CRYBG1: variants seen among roughly 807,000 people sequenced by gnomAD.
CRYBG1 encodes crystallin beta-gamma domain containing 1.
A neutral mutation model predicts 189.2 loss-of-function variants in CRYBG1; 139 were observed. That is an observed-to-expected ratio of 0.73 (90% CI 0.64 to 0.85). The LOEUF (loss-of-function observed/expected upper bound fraction) is 0.85, where lower values mean the gene tolerates loss of function less well. CRYBG1 is among the 40% of genes least tolerant of loss of function. The pLI, the probability that CRYBG1 is intolerant of heterozygous loss-of-function variation, is 0.00. For missense variants in CRYBG1, 2,611 were observed against 2,675.8 expected, an observed-to-expected ratio of 0.98 and a Z score of 0.53; for synonymous variants, 1,023 against 1,017.1, an observed-to-expected ratio of 1.01 and a Z score of -0.11.
rs776931241 is a variant in CRYBG1 at position 106,552,208 on chromosome 6, C to A, written c.5464C>A (p.Arg1822=). ...GGATTCTTTCACTGGCCCAAGGAGACGAAATCAGGTAACTTTAAAAATATT... is the reference window on the plus strand; with the variant it reads ...GGATTCTTTCACTGGCCCAAGGAGAAGAAATCAGGTAACTTTAAAAATATT... ...CLDSFTGPRR[R]NQIHLFSEPQ... Residue 1822 remains arginine (R), a synonymous_variant, in exon 15 of 22, where the codon CGA becomes AGA. Transcript: ENST00000633556. 3.8e-6 allele frequency: 6 copies of A among 1,568,094 alleles called. No individual in the cohort carries two copies. The highest frequency in any genetic ancestry group is 5.2e-6 in the Non-Finnish European group (6 of 1,150,482).
chr6:106,561,406 T>TA lies in CRYBG1; in HGVS notation c.6045dup (p.Glu2016ArgfsTer18), dbSNP rs1774715424. On this transcript the variant is annotated frameshift_variant, in exon 20 of 22. Transcript: ENST00000633556. LOFTEE classifies it high-confidence loss of function. ...TTATTCATGTCAACCAATGGAAACT[T>TA]AGAGGATCTGAAGCTTCTGAGGATA... 6.2e-7 allele frequency: 1 copy of TA among 1,614,130 alleles called. No homozygotes were observed. The highest frequency in any genetic ancestry group is 1.1e-5 in the South Asian group (1 of 91,080).
intron 13 of CRYBG1, among the ~76,000 whole-genome samples, chr6:106,545,690 T>C (rs993687474): frequency 6.6e-6 from 1 of 151,496 alleles, no homozygotes; most frequent in African/African-American, 2.4e-5. Flanking sequence ...CCTAACTCTT[T>C]TTTTTTGAGG....
chr6:106,440,267 TC>T (rs59175673), intron 1 of CRYBG1, among the ~76,000 whole-genome samples: 43,330 of 128,282 alleles, frequency 0.34, 6,399 homozygotes, highest in East Asian at 0.43. Context: ...TCTCTCTCTC[TC>T]TTTTTTTTTC....
In CRYBG1 at chr6:106,519,404, A is replaced by G. The variant is rs781326071; in HGVS notation, c.2196A>G (p.Lys732=). ...KAKEMEQPEK[K]VMPNSPQNGV... is the part of the protein sequence containing the mutation. ...AAGAAATGGAGCAACCTGAAAAGAA[A>G]GTAATGCCAAACAGTCCCCAGAATG... Residue 732 remains lysine, a synonymous_variant, in exon 4 of 22, where the codon AAA becomes AAG. Transcript: ENST00000633556. 3.3e-5 allele frequency: 53 copies of G among 1,614,042 alleles called. 2 individuals carry two copies. In the South Asian group the frequency reaches 5.6e-4, roughly 17 times the overall value.
At chr6:106,532,133 A>G (rs962119822) in intron 8 of CRYBG1, among the ~76,000 whole-genome samples, 1 of 152,210 alleles carries the variant, frequency 6.6e-6, no homozygotes, top group African/African-American at 2.4e-5. Flanking sequence ...TAGCAAATCC[A>G]TCACCTCAAA....
intron 18 of CRYBG1, among the ~76,000 whole-genome samples, chr6:106,559,153 TTTTGTC>T (rs1237049588): frequency 6.6e-6 from 1 of 152,188 alleles, no homozygotes; most frequent in Non-Finnish European, 1.5e-5. Context: ...AAGGTAAGGA[TTTTGTC>T]TTTAACACCT....
chr6:106,515,624 A>T (rs1324096495), intron 3 of CRYBG1, among the ~76,000 whole-genome samples: 1 of 152,078 alleles, frequency 6.6e-6, no homozygotes, highest in East Asian at 1.9e-4. Flanking sequence ...TCATAATTTG[A>T]TCTTTGAGGA....
chr6:106,417,860 C>A (rs2103906), intron 1 of CRYBG1, among the ~76,000 whole-genome samples: 81,410 of 152,184 alleles, frequency 0.53, 21,967 homozygotes, highest in South Asian at 0.72. Flanking sequence ...AACTCTGAAG[C>A]CCCAGAAGGG....
chr6:106,538,165 TGA>T (rs1298355000), intron 8 of CRYBG1, among the ~76,000 whole-genome samples: 2 of 78,512 alleles, frequency 2.5e-5, no homozygotes, highest in Non-Finnish European at 6.2e-5. Flanking sequence ...TGTTTGTTTA[TGA>T]AGCAGGTACA....
In CRYBG1 at chr6:106,519,739, C is replaced by T. The variant is rs77011491; in HGVS notation, c.2531C>T (p.Thr844Ile). The change falls in exon 4 of 22, where the codon ACC becomes ATC. Residue 844 changes from threonine (T) to isoleucine (I), a missense_variant. Physicochemically the swap from Thr to Ile is moderately conservative, Grantham distance 89. This residue lies in a region of CRYBG1 where 1,622 missense variants were observed against 1,735.0 expected (regional missense o/e 0.93). Coordinates refer to ENST00000633556, the MANE Select transcript of CRYBG1 (RefSeq NM_001371242.2). ...TAQDIPTTVD[T>I]KDLPPTAMPK... ...CAAGACATCCCCACCACTGTGGATA[C>T]CAAAGATTTACCTCCAACGGCCATG... 3.2e-3 allele frequency: 5,166 copies of T among 1,614,182 alleles called. 13 individuals are homozygous for T. Among genetic ancestry groups the T allele is most frequent in the Non-Finnish European group, 4.1e-3 (4,804 of 1,180,034 alleles).
intron 4 of CRYBG1, among the ~76,000 whole-genome samples, chr6:106,522,703 A>G (rs999384241): frequency 6.6e-6 from 1 of 152,170 alleles, no homozygotes; most frequent in Non-Finnish European, 1.5e-5. Flanking sequence ...AACACAGTTT[A>G]TCTAGGCAGA....
chr6:106,479,688 C>A (rs1034052068), intron 2 of CRYBG1, among the ~76,000 whole-genome samples: 1 of 152,106 alleles, frequency 6.6e-6, no homozygotes, highest in African/African-American at 2.4e-5. Context: ...TATTGAGCAT[C>A]TTTTTATATG....
intron 1 of CRYBG1, among the ~76,000 whole-genome samples, chr6:106,391,788 G>T (rs1757810392): frequency 6.6e-6 from 1 of 152,098 alleles, no homozygotes; most frequent in African/African-American, 2.4e-5. Context: ...CTATACTGAA[G>T]CCAAGGGGCA....
chr6:106,550,735 A>C (rs968292238), intron 13 of CRYBG1, among the ~76,000 whole-genome samples: 2 of 152,190 alleles, frequency 1.3e-5, no homozygotes, highest in South Asian at 4.1e-4. Context: ...TAATAGACAC[A>C]GCTTCCTAAG....
At chr6:106,435,341 T>G (rs143281016) in intron 1 of CRYBG1, among the ~76,000 whole-genome samples, 57 of 152,210 alleles carry the variant, frequency 3.7e-4, no homozygotes, top group African/African-American at 1.3e-3. Context: ...ATGTTTTAAA[T>G]TTTTGTAGCA....
At chr6:106,497,816 C>T (rs368034588) in intron 2 of CRYBG1, among the ~76,000 whole-genome samples, 1 of 152,182 alleles carries the variant, frequency 6.6e-6, no homozygotes, top group African/African-American at 2.4e-5. Context: ...TGAGGCTGGG[C>T]GCAGTGGCTC....
At chr6:106,435,895 T>C (rs1310660064) in intron 1 of CRYBG1, among the ~76,000 whole-genome samples, 1 of 152,142 alleles carries the variant, frequency 6.6e-6, no homozygotes, top group Admixed American at 6.5e-5. Flanking sequence ...AAATCGTGTC[T>C]TGGAAACCAT....
chr6:106,404,771 C>T (rs184584447), intron 1 of CRYBG1, among the ~76,000 whole-genome samples: 4 of 152,170 alleles, frequency 2.6e-5, no homozygotes, highest in Middle Eastern at 3.4e-3. Flanking sequence ...ACCCAGGAAG[C>T]GCAAGGGGTT....
rs958460507 is a variant in CRYBG1 at position 106,527,440 on chromosome 6, G to A, written c.4548G>A (p.Val1516=). ...AAGAAGCAGAGTCTGATAAGCCAGT[G>A]GTGATTGGTTCCATCAGACATGTGG... is the stretch of plus-strand genomic sequence containing the variant. ...RHEEAESDKP[V]VIGSIRHVVQ... is the part of the protein sequence containing the mutation. The change falls in exon 7 of 22, where the codon GTG becomes GTA. Residue 1516 remains valine (V), a synonymous_variant. Transcript: ENST00000633556. 1.2e-6 allele frequency: 2 copies of A among 1,612,792 alleles called. No homozygotes were observed. Among genetic ancestry groups the A allele is most frequent in the Non-Finnish European group, 1.7e-6 (2 of 1,179,238 alleles).
Sources: allele counts gnomAD v4.1 joint callset (sites outside exome capture counted in the v4.1 genomes callset), GRCh38; gene constraint gnomAD v4.1.1; regional missense constraint gnomAD v4.1.1; transcripts MANE v1.5; gene names NCBI Gene and HGNC (gene_info 2026-07-23, HGNC 2026-07-21).